The following EPS8L1 variants were observed in gnomAD, a reference collection of about 807,000 sequenced individuals.
The protein encoded by EPS8L1 is epidermal growth factor receptor kinase substrate 8-like protein 1.
EPS8L1 carries 101 observed loss-of-function variants against 91.7 expected under a neutral mutation model. The observed-to-expected ratio is 1.10, with a 90% CI of 0.94 to 1.30. The LOEUF (loss-of-function observed/expected upper bound fraction) is 1.30, where lower values mean the gene tolerates loss of function less well. Ranked by LOEUF, EPS8L1 falls within the 50% of genes most tolerant of loss-of-function variation. The pLI, the probability that EPS8L1 is intolerant of heterozygous loss-of-function variation, is 0.00. For synonymous variants in EPS8L1, 506 were observed against 445.3 expected (o/e 1.14, Z -1.72); for missense variants, 1,114 against 1,017.0 (o/e 1.10, Z -1.30).
In EPS8L1 at chr19:55,087,364, C is replaced by T. The variant is rs1328633865; in HGVS notation, c.2014C>T (p.Leu672=). The T allele has an allele frequency of 6.2e-6, 10 of 1,612,994 alleles. 1 individual carries two copies. Among genetic ancestry groups the T allele is most frequent in the Middle Eastern group, 1.8e-4 (1 of 5,694 alleles). ...GCTTTTCTCGCTGCAGAAGGAGGAG[C>T]TGCGGGCGGTGAGCCCCGAGGAGGG... is the stretch of plus-strand genomic sequence containing the variant. ...AQLFSLQKEE[L]RAVSPEEGAR... The change falls in exon 19 of 20, where the codon CTG becomes TTG. Residue 672 remains leucine, a synonymous_variant. Transcript: ENST00000201647.
rs2147168731 is a variant in EPS8L1 at position 55,087,879 on chromosome 19, A to G, written c.*265A>G. On this transcript the variant is annotated 3_prime_UTR_variant, in exon 20 of 20. Transcript: ENST00000201647. ...GAGAGGGTGCAGTGGAGCCCTGAGC[A>G]TTGTAATATGCGGCCCAGCCTATAA... The G allele has an allele frequency of 2.0e-6, 1 of 499,726 alleles. No homozygotes were observed. Among genetic ancestry groups the G allele is most frequent in the Non-Finnish European group, 3.7e-6 (1 of 273,754 alleles). The allele number at this position is 499,726 out of a possible 1,614,324, so 31.0% of individuals were successfully genotyped here. A position where few individuals can be genotyped will look rare whatever the true frequency, so the allele number is the denominator to read the frequency against.
Position 55,079,862 on chromosome 19 carries a change from G to C in EPS8L1, c.279+11G>C. The C allele has an allele frequency of 2.5e-6, 4 of 1,605,318 alleles. No individual in the cohort carries two copies. Among genetic ancestry groups the C allele is most frequent in the Non-Finnish European group, 2.6e-6 (3 of 1,175,884 alleles). The stretch of plus-strand genomic sequence containing the variant: ...GACCCGGCCTCCAAGGTGCCGGGGG[G>C]CACGTGGGTGGGAGGAGTGTCTGGG... On this transcript the variant is annotated intron_variant, in intron 5 of 19. Transcript: ENST00000201647.
chr19:55,086,877 C>CTTTA lies in EPS8L1; in HGVS notation c.1942_1945dup (p.Ser649IlefsTer2). On this transcript the variant is annotated frameshift_variant, in exon 18 of 20. Coordinates refer to ENST00000201647, the MANE Select transcript of EPS8L1 (RefSeq NM_133180.3). LOFTEE classifies it high-confidence loss of function. ...TCCGCGCCTGGCTGCAGGCCAAGGG[C>CTTTA]TTTAGCTCCGGGTGAGTGGGGCCGG... 6.9e-7 allele frequency: 1 copy of CTTTA among 1,444,830 alleles called. No individual in the cohort carries two copies. The highest frequency in any genetic ancestry group is 9.1e-7 in the Non-Finnish European group (1 of 1,104,334). 89.5% of individuals were successfully genotyped at this position (1,444,830 alleles called of 1,614,324 possible). A position where few individuals can be genotyped will look rare whatever the true frequency, so the allele number is the denominator to read the frequency against.
At chr19:55,086,259 G>T in intron 16 of EPS8L1, 67 bp downstream of exon 16, 1 of 1,607,006 alleles carries the variant, frequency 6.2e-7, no homozygotes, top group Non-Finnish European at 8.5e-7. Flanking sequence ...GGAACAAGGG[G>T]CGTGGGGATC....
chr19:55,085,118 A>G (rs1364394537), intron 14 of EPS8L1, among the ~76,000 whole-genome samples: 3 of 152,176 alleles, frequency 2.0e-5, no homozygotes, highest in Non-Finnish European at 4.4e-5. Flanking sequence ...GATCAAATTA[A>G]CTAATATACG....
At chr19:55,082,841 G>C (rs1032538674) in intron 12 of EPS8L1, among the ~76,000 whole-genome samples, 9 of 151,706 alleles carry the variant, frequency 5.9e-5, no homozygotes, top group Non-Finnish European at 1.5e-5. Flanking sequence ...GAAAGAAAAG[G>C]GGGGCTTAAA....
Position 55,080,237 on chromosome 19 carries a change from G to A in EPS8L1, c.388G>A (p.Ala130Thr), listed in dbSNP as rs765513309. Residue 130 changes from alanine (A) to threonine (T), a missense_variant, in exon 6 of 20, where the codon GCG (alanine) becomes ACG (threonine). Transcript: ENST00000201647. The stretch of plus-strand genomic sequence containing the variant: ...GCTCGTGTGCCAGGAACCCGAGCGC[G>A]CGCAGCCCGACGTGCACTTCTTCCA... ...LLLVCQEPERAQPDVHFFQGL... is the reference protein window; with the variant it reads ...LLLVCQEPERTQPDVHFFQGL... The A allele has an allele frequency of 1.3e-6, 2 of 1,536,578 alleles. No individual in the cohort carries two copies. The highest frequency in any genetic ancestry group is 1.8e-6 in the Non-Finnish European group (2 of 1,136,844).
chr19:55,082,244 C>T (rs1230947578), intron 10 of EPS8L1, 31 bp from the exon 11 acceptor site: 1 of 1,604,740 alleles, frequency 6.2e-7, no homozygotes, highest in Admixed American at 1.7e-5. Flanking sequence ...TCCCCGCACC[C>T]ACGCCAACCA....
At chr19:55,078,970 C>T (rs971109485) in intron 3 of EPS8L1, 29 bp from the exon 4 acceptor site, 4 of 1,613,032 alleles carry the variant, frequency 2.5e-6, no homozygotes, top group African/African-American at 2.7e-5. Context: ...GCCTGGACTC[C>T]CAGGCTCATT....
intron 1 of EPS8L1, among the ~76,000 whole-genome samples, chr19:55,076,193 T>C (rs2076128202): frequency 1.0e-5 from 1 of 95,742 alleles, no homozygotes. Flanking sequence ...CTCCTGGGTC[T>C]GAGGGAGGAG....
chr19:55,083,316 C>A lies in EPS8L1; in HGVS notation c.1215-62C>A, dbSNP rs1291597804. 6.3e-7 allele frequency: 1 copy of A among 1,576,152 alleles called. No individual in the cohort carries two copies. The highest frequency in any genetic ancestry group is 8.6e-7 in the Non-Finnish European group (1 of 1,158,820). ...AGGGGAAAACTTAGTGAAGTTAATG[C>A]AGGAACGAAGTTGGGGGCTGTATCA... On this transcript the variant is annotated intron_variant, in intron 12 of 19. Transcript: ENST00000201647. The surrounding 1 kb of genome is among the most constrained non-coding windows in gnomAD (Gnocchi z 4.7).
intron 4 of EPS8L1, 197 bp from the exon 5 acceptor site, chr19:55,079,493 C>T: frequency 4.6e-6 from 3 of 651,638 alleles, no homozygotes; most frequent in Admixed American, 6.1e-5. Context: ...AGAAGCCAGA[C>T]TCAGGTGCTA....
intron 14 of EPS8L1, among the ~76,000 whole-genome samples, chr19:55,085,031 T>C (rs1298929171): frequency 2.6e-5 from 4 of 152,194 alleles, no homozygotes; most frequent in African/African-American, 9.6e-5. Context: ...GAGGAGATCA[T>C]AGGGTCTCTG....
In EPS8L1 at chr19:55,081,169, G is replaced by A; in HGVS notation, c.513-62G>A. On this transcript the variant is annotated intron_variant, in intron 7 of 19. Coordinates refer to ENST00000201647, the MANE Select transcript of EPS8L1 (RefSeq NM_133180.3). The surrounding 1 kb of genome is among the most constrained non-coding windows in gnomAD (Gnocchi z 4.9). ...CCTGTGTGTCTCGTTCTGCGCCCTG[G>A]ATTTCCCCCTCCCTGGACCCCTCAG... 1 of 1,451,028 alleles carries A rather than the reference G, an allele frequency of 6.9e-7. No individual in the cohort carries two copies. The highest frequency in any genetic ancestry group is 9.0e-7 in the Non-Finnish European group (1 of 1,108,864). The allele number at this position is 1,451,028 out of a possible 1,614,324, so 89.9% of individuals were successfully genotyped here.
chr19:55,075,953 G>A (rs1054308843), intron 1 of EPS8L1, 34 bp downstream of exon 1: 5 of 159,352 alleles, frequency 3.1e-5, no homozygotes, highest in South Asian at 3.6e-4. Flanking sequence ...GAAGGGGGCC[G>A]GGGCTTGACC....
Position 55,083,283 on chromosome 19 carries a change from C to A in EPS8L1, c.1215-95C>A. The A allele has an allele frequency of 1.3e-6, 2 of 1,495,162 alleles. No individual in the cohort carries two copies. The highest frequency in any genetic ancestry group is 1.4e-5 in the African/African-American group (1 of 71,886). The allele number at this position is 1,495,162 out of a possible 1,614,324, so 92.6% of individuals were successfully genotyped here. ...CGGGGCTAGAATCGTTGGAATACAG[C>A]GAGCTTTAGGGGAAAACTTAGTGAA... On this transcript the variant is annotated intron_variant, in intron 12 of 19. Coordinates refer to ENST00000201647, the MANE Select transcript of EPS8L1 (RefSeq NM_133180.3). The surrounding 1 kb of genome is among the most constrained non-coding windows in gnomAD (Gnocchi z 4.7).
intron 12 of EPS8L1, among the ~76,000 whole-genome samples, chr19:55,082,935 G>A (rs969990348): frequency 1.3e-5 from 2 of 152,284 alleles, no homozygotes; most frequent in African/African-American, 2.4e-5. Context: ...CTATAACTTT[G>A]GTGATGGGAC....
At chr19:55,076,613 C>T in intron 2 of EPS8L1, 152 bp downstream of exon 2, 1 of 965,892 alleles carries the variant, frequency 1.0e-6, no homozygotes, top group South Asian at 1.7e-5. Flanking sequence ...CAGAGCCTCT[C>T]TCCTCCCTGC....
Position 55,083,292 on chromosome 19 carries a change from G to T in EPS8L1, c.1215-86G>T. ...AATCGTTGGAATACAGCGAGCTTTA[G>T]GGGAAAACTTAGTGAAGTTAATGCA... On this transcript the variant is annotated intron_variant, in intron 12 of 19. Transcript: ENST00000201647. This position sits in a 1 kb window ranked among gnomAD's most constrained non-coding sequence, Gnocchi z 4.7. The T allele has an allele frequency of 6.5e-7, 1 of 1,532,928 alleles. No homozygotes were observed. 95.0% of individuals were successfully genotyped at this position (1,532,928 alleles called of 1,614,324 possible).
Sources: allele counts gnomAD v4.1 joint callset (sites outside exome capture counted in the v4.1 genomes callset), GRCh38; gene constraint gnomAD v4.1.1; non-coding constraint Gnocchi (gnomAD v3.1); transcripts MANE v1.5; gene names NCBI Gene and HGNC (gene_info 2026-07-23, HGNC 2026-07-21).